Variants in FGF13 observed in about 807,000 individuals in gnomAD.
FGF13 encodes fibroblast growth factor 13, also known as fibroblast growth factor homologous factor 2.
Under a neutral mutation model 19.5 loss-of-function variants are expected in FGF13, and 2 were observed. The ratio of observed to expected loss-of-function variants is 0.10; its 90% CI spans 0.04 to 0.32. The LOEUF is 0.32. Among genes scored for constraint, FGF13 ranks in the 10% least tolerant of loss-of-function variants. FGF13 has a pLI of 1.00. For synonymous variants in FGF13, 72 were observed against 76.9 expected, an observed-to-expected ratio of 0.94 and a Z score of 0.33; for missense variants, 113 against 192.7, an observed-to-expected ratio of 0.59 and a Z score of 2.45.
At chrX:139,160,388 G>A (rs902185121) in intron 1 of FGF13, among the ~76,000 whole-genome samples, 4 of 111,773 alleles carry the variant, frequency 3.6e-5, no homozygotes, top group African/African-American at 1.3e-4. Flanking sequence ...GGAGAAAGTG[G>A]GAAAGATCTA....
At chrX:139,074,364 A>G (rs1409319517) in intron 1 of FGF13, among the ~76,000 whole-genome samples, 1 of 112,284 alleles carries the variant, frequency 8.9e-6, no homozygotes, top group East Asian at 2.8e-4. Context: ...GGTTATGCGC[A>G]GCAGATAATC....
chrX:139,008,134 C>T (rs2092111800), intron 1 of FGF13, among the ~76,000 whole-genome samples: 1 of 112,159 alleles, frequency 8.9e-6, no homozygotes, highest in South Asian at 3.7e-4. Context: ...TTCCCAAAGG[C>T]AGCCACAGGA....
chrX:139,008,674 C>A (rs2124370604), intron 1 of FGF13, among the ~76,000 whole-genome samples: 1 of 112,099 alleles, frequency 8.9e-6, no homozygotes, highest in East Asian at 2.8e-4. Context: ...CAAGGGACCA[C>A]CCCATGGGAC....
intron 3 of FGF13, among the ~76,000 whole-genome samples, chrX:138,823,456 T>C (rs2091013403): frequency 9.0e-6 from 1 of 110,769 alleles, no homozygotes; most frequent in African/African-American, 3.3e-5. Context: ...GAGTTTCTGT[T>C]TCCCCTTTTT....
chrX:138,902,268 G>T (rs1233896045), intron 1 of FGF13, among the ~76,000 whole-genome samples: 1 of 112,223 alleles, frequency 8.9e-6, no homozygotes, highest in Non-Finnish European at 1.9e-5. Flanking sequence ...CTCAACACAG[G>T]TTATTTTGAT....
chrX:139,018,426 A>G (rs1330862436), intron 1 of FGF13, among the ~76,000 whole-genome samples: 1 of 111,634 alleles, frequency 9.0e-6, no homozygotes, highest in African/African-American at 3.2e-5. Flanking sequence ...GGTATGTCTC[A>G]ACTCTTCAGC....
At chrX:138,849,910 C>T (rs2091211191) in intron 3 of FGF13, among the ~76,000 whole-genome samples, 2 of 111,588 alleles carry the variant, frequency 1.8e-5, no homozygotes, top group Admixed American at 9.6e-5. Context: ...AAAGCACTTT[C>T]GCAGATAAGT....
intron 1 of FGF13, among the ~76,000 whole-genome samples, chrX:139,194,363 T>A (rs1291091075): frequency 8.9e-6 from 1 of 112,126 alleles, no homozygotes; most frequent in Non-Finnish European, 1.9e-5. Context: ...GCTTTTATGA[T>A]GTTCCAAATT....
In FGF13 at chrX:138,621,533, T is replaced by A. The variant is rs1464143763; in HGVS notation, c.*11317A>T. On this transcript the variant is annotated 3_prime_UTR_variant, in exon 5 of 5. Coordinates refer to ENST00000315930, the MANE Select transcript of FGF13 (RefSeq NM_004114.5). The stretch of plus-strand genomic sequence containing the variant: ...AAAAATCAAATAAACGACCTAACTT[T>A]ACACCTCAAGGAACTATAAAAGAAC... 2.7e-5 allele frequency: 3 copies of A among 110,815 alleles called. No individual in the cohort carries two copies. The highest frequency in any genetic ancestry group is 5.7e-5 in the Non-Finnish European group (3 of 52,827). The allele number at this position is 110,815 out of a possible 1,213,427, so 9.1% of individuals were successfully genotyped here.
chrX:139,129,798 C>T (rs1023384499), intron 1 of FGF13, among the ~76,000 whole-genome samples: 2 of 111,299 alleles, frequency 1.8e-5, no homozygotes, highest in African/African-American at 6.5e-5. Context: ...ACTACTAGAC[C>T]CAGGAACAGT....
chrX:138,760,036 TG>T (rs1432848436), intron 3 of FGF13, among the ~76,000 whole-genome samples: 2 of 111,228 alleles, frequency 1.8e-5, no homozygotes, highest in African/African-American at 3.3e-5. Flanking sequence ...GAGGATGTAG[TG>T]GGGGTAAGTG....
chrX:139,139,934 C>T (rs1197244194), intron 1 of FGF13, among the ~76,000 whole-genome samples: 1 of 111,089 alleles, frequency 9.0e-6, no homozygotes, highest in Non-Finnish European at 1.9e-5. Context: ...CTTGATTTTC[C>T]TTCTATGTCT....
chrX:138,707,244 G>A (rs960836754), intron 2 of FGF13, among the ~76,000 whole-genome samples: 10 of 111,275 alleles, frequency 9.0e-5, no homozygotes, highest in African/African-American at 3.3e-4. Context: ...GCTGTTCATA[G>A]GACACAGCAC....
At chrX:138,854,631 C>A (rs1396046687), downstream of FGF13, among the ~76,000 whole-genome samples, 1 of 112,226 alleles carries the variant, frequency 8.9e-6, no homozygotes, top group African/African-American at 3.2e-5. Context: ...AACTGTATCA[C>A]AATACACATA....
chrX:138,929,995 G>C (rs1351777326), intron 1 of FGF13, among the ~76,000 whole-genome samples: 3 of 110,666 alleles, frequency 2.7e-5, no homozygotes, highest in Non-Finnish European at 5.7e-5. Context: ...TGCCAGAGAA[G>C]ACATTTAATA....
chrX:138,898,846 C>T (rs954882625), intron 1 of FGF13, among the ~76,000 whole-genome samples: 1 of 111,779 alleles, frequency 8.9e-6, no homozygotes, highest in Non-Finnish European at 1.9e-5. Flanking sequence ...TTGACAAAAG[C>T]TCTTTGGTGA....
At chrX:138,906,619 A>G (rs1271099056) in intron 1 of FGF13, among the ~76,000 whole-genome samples, 1 of 112,306 alleles carries the variant, frequency 8.9e-6, no homozygotes, top group African/African-American at 3.2e-5. Context: ...GTCATCGGCA[A>G]GCGTTACTTT....
chrX:139,038,186 C>T (rs1455598144), intron 1 of FGF13, among the ~76,000 whole-genome samples: 2 of 111,420 alleles, frequency 1.8e-5, no homozygotes, highest in Non-Finnish European at 3.8e-5. Context: ...TAACCACCCC[C>T]ACTCCTAGTT....
intron 1 of FGF13, among the ~76,000 whole-genome samples, chrX:139,067,261 T>C (rs992132761): frequency 9.0e-6 from 1 of 111,335 alleles, no homozygotes; most frequent in African/African-American, 3.3e-5. Flanking sequence ...CTATTCAACA[T>C]AGTATTGGAA....
Sources: allele counts gnomAD v4.1 joint callset (sites outside exome capture counted in the v4.1 genomes callset), GRCh38; gene constraint gnomAD v4.1.1; transcripts MANE v1.5; gene names NCBI Gene and HGNC (gene_info 2026-07-23, HGNC 2026-07-21).